The following SUGT1 variants were observed in gnomAD, a reference collection of about 807,000 sequenced individuals.
SUGT1 encodes SGT1 assembly cochaperone of MIS12 kinetochore complex, also known as protein SGT1 homolog.
Under a neutral mutation model 56.1 loss-of-function variants are expected in SUGT1, and 15 were observed. That is an observed-to-expected ratio of 0.27 (90% confidence interval 0.18 to 0.41). The LOEUF is 0.41. SUGT1 is among the 10% of genes least tolerant of loss of function. The pLI, the probability that SUGT1 is intolerant of heterozygous loss-of-function variation, is 1.00. For synonymous variants in SUGT1, 123 were observed against 128.6 expected (o/e 0.96, Z 0.30); for missense variants, 347 against 382.2 (o/e 0.91, Z 0.77).
intron 11 of SUGT1, among the ~76,000 whole-genome samples, chr13:52,678,673 T>C (rs1170165846): frequency 1.4e-5 from 1 of 73,092 alleles, no homozygotes; most frequent in East Asian, 4.4e-4. Flanking sequence ...TCTTCATTTT[T>C]TTTGTTGGTT....
intron 12 of SUGT1, among the ~76,000 whole-genome samples, chr13:52,683,225 T>C (rs1963446363): frequency 6.6e-6 from 1 of 152,250 alleles, no homozygotes; most frequent in African/African-American, 2.4e-5. Context: ...TCATTAAGTA[T>C]AATGTTAACT....
chr13:52,683,022 T>A (rs1246120732), intron 12 of SUGT1, among the ~76,000 whole-genome samples: 2 of 152,214 alleles, frequency 1.3e-5, no homozygotes, highest in East Asian at 3.8e-4. Context: ...GACAATCATC[T>A]TCAAATATGG....
intron 7 of SUGT1, among the ~76,000 whole-genome samples, chr13:52,663,809 C>T (rs1366332101): frequency 6.6e-6 from 1 of 152,128 alleles, no homozygotes; most frequent in Non-Finnish European, 1.5e-5. Context: ...GAAATTCAAT[C>T]TAAGATTTTT....
chr13:52,684,680 C>G (rs1232160724), intron 12 of SUGT1, among the ~76,000 whole-genome samples: 1 of 151,790 alleles, frequency 6.6e-6, no homozygotes, highest in Non-Finnish European at 1.5e-5. Context: ...CATGCGCCAC[C>G]ATTCTCAGTT....
At chr13:52,660,790 T>G (rs909521631) in intron 5 of SUGT1, among the ~76,000 whole-genome samples, 1 of 152,086 alleles carries the variant, frequency 6.6e-6, no homozygotes, top group African/African-American at 2.4e-5. Context: ...AGTCATACCA[T>G]TCTCTACATT....
chr13:52,676,179 G>A, intron 10 of SUGT1, 51 bp from the exon 11 acceptor site: 8 of 1,463,432 alleles, frequency 5.5e-6, no homozygotes, highest in Non-Finnish European at 7.4e-6. Flanking sequence ...ATTTTTTACT[G>A]TTTTGTGTAT....
At chr13:52,660,521 C>G (rs754486787) in intron 5 of SUGT1, among the ~76,000 whole-genome samples, 3 of 152,156 alleles carry the variant, frequency 2.0e-5, no homozygotes, top group Non-Finnish European at 4.4e-5. Context: ...TTACTCTGTA[C>G]TGTTTTGAAT....
chr13:52,685,447 A>G (rs1963545722), intron 12 of SUGT1, among the ~76,000 whole-genome samples: 1 of 151,762 alleles, frequency 6.6e-6, no homozygotes, highest in Non-Finnish European at 1.5e-5. Context: ...GGGTGTTTAG[A>G]TTTACTACTG....
intron 12 of SUGT1, among the ~76,000 whole-genome samples, chr13:52,682,548 G>A (rs1963418588): frequency 6.6e-6 from 1 of 152,238 alleles, no homozygotes; most frequent in African/African-American, 2.4e-5. Context: ...TTTATGTCAA[G>A]TGTGAGATTT....
chr13:52,670,511 A>G (rs537442013), intron 10 of SUGT1, among the ~76,000 whole-genome samples: 1 of 152,278 alleles, frequency 6.6e-6, no homozygotes, highest in East Asian at 1.9e-4. Context: ...TCCCTTTAAG[A>G]TTTAGAATTC....
intron 12 of SUGT1, among the ~76,000 whole-genome samples, chr13:52,682,671 G>T (rs1033205254): frequency 6.6e-6 from 1 of 152,168 alleles, no homozygotes; most frequent in African/African-American, 2.4e-5. Flanking sequence ...GCGTATTTGT[G>T]TGAGTCTATT....
Position 52,652,952 on chromosome 13 carries a change from C to A in SUGT1, c.32C>A (p.Ser11Tyr). The A allele has an allele frequency of 1.2e-6, 2 of 1,614,220 alleles. No individual in the cohort carries two copies. The highest frequency in any genetic ancestry group is 8.5e-7 in the Non-Finnish European group (1 of 1,180,026). Residue 11 changes from serine to tyrosine, a missense_variant, in exon 1 of 13, where the codon TCC (serine) becomes TAC (tyrosine). Ser to Tyr is a moderately radical substitution (Grantham distance 144). Coordinates refer to ENST00000310528, the MANE Select transcript of SUGT1 (RefSeq NM_006704.5). ...GCGGCTGCAGCAGGAACTGCAACAT[C>A]CCAGAGGTGCATGTTTTTCTTTCCC... Reference protein sequence around the residue: MAAAAAGTATSQRFFQSFSDA... With the variant: MAAAAAGTATYQRFFQSFSDA...
At chr13:52,676,611 T>C (rs1963151424) in intron 11 of SUGT1, among the ~76,000 whole-genome samples, 1 of 152,182 alleles carries the variant, frequency 6.6e-6, no homozygotes, top group Non-Finnish European at 1.5e-5. Flanking sequence ...TTTTGCGTGT[T>C]GGCCCTTCCT....
intron 10 of SUGT1, among the ~76,000 whole-genome samples, chr13:52,669,579 C>G (rs1962848316): frequency 6.6e-6 from 1 of 152,172 alleles, no homozygotes; most frequent in Non-Finnish European, 1.5e-5. Flanking sequence ...TTCTGATTGC[C>G]AACCAAACTA....
intron 5 of SUGT1, among the ~76,000 whole-genome samples, chr13:52,659,466 A>G (rs1962321189): frequency 6.6e-6 from 1 of 152,116 alleles, no homozygotes; most frequent in Admixed American, 6.5e-5. Context: ...TCACCATTAG[A>G]AGTAAAAAAA....
At position 52,693,590 on chromosome 13, in the gene SUGT1, T is replaced by C. The variant is rs1397674884; in HGVS notation, c.*5755T>C. On this transcript the variant is annotated 3_prime_UTR_variant, in exon 13 of 13. Coordinates refer to ENST00000310528, the MANE Select transcript of SUGT1 (RefSeq NM_006704.5). ...TATAGGTGCTTAATGTCTCTGTGCC[T>C]CAGTTTTTGTGTCTATGTAAAGGAG... 1 of 152,198 alleles carries C rather than the reference T, an allele frequency of 6.6e-6. No homozygotes were observed. The highest frequency in any genetic ancestry group is 1.5e-5 in the Non-Finnish European group (1 of 68,026). The allele number at this position is 152,198 out of a possible 1,614,324, so 9.4% of individuals were successfully genotyped here.
chr13:52,656,943 T>TTC (rs1962194209), intron 2 of SUGT1, among the ~76,000 whole-genome samples: 1 of 152,220 alleles, frequency 6.6e-6, no homozygotes. Flanking sequence ...TCTCTAATGT[T>TTC]AACTCTTGGT....
At chr13:52,682,342 A>T (rs1963411404) in intron 12 of SUGT1, among the ~76,000 whole-genome samples, 1 of 151,096 alleles carries the variant, frequency 6.6e-6, no homozygotes, top group African/African-American at 2.4e-5. Flanking sequence ...GGGACTACAC[A>T]TCCATGCTGC....
intron 10 of SUGT1, 130 bp from the exon 11 acceptor site, chr13:52,676,100 C>T: frequency 4.9e-6 from 3 of 617,470 alleles, no homozygotes; most frequent in Non-Finnish European, 5.1e-6. Flanking sequence ...CAAATTTAAC[C>T]TTGTATAATT....
Sources: allele counts gnomAD v4.1 joint callset (sites outside exome capture counted in the v4.1 genomes callset), GRCh38; gene constraint gnomAD v4.1.1; transcripts MANE v1.5; gene names NCBI Gene and HGNC (gene_info 2026-07-23, HGNC 2026-07-21).